The following CASP6 variants were observed in gnomAD, a reference collection of about 807,000 sequenced individuals.
The protein encoded by CASP6 is caspase-6.
CASP6 carries 20 observed loss-of-function variants against 31.8 expected under a neutral mutation model. The observed-to-expected ratio is 0.63, with a 90% CI of 0.44 to 0.91. CASP6 has a LOEUF of 0.91. Ranked by LOEUF, CASP6 falls within the 40% of genes least tolerant of loss-of-function variation. The pLI, the probability that CASP6 is intolerant of heterozygous loss-of-function variation, is 0.00. For missense variants in CASP6, 328 were observed against 361.1 expected, an observed-to-expected ratio of 0.91 and a Z score of 0.74; for synonymous variants, 130 against 127.8, an observed-to-expected ratio of 1.02 and a Z score of -0.12.
chr4:109,696,769 T>C (rs914710647), intron 3 of CASP6, among the ~76,000 whole-genome samples: 1 of 149,142 alleles, frequency 6.7e-6, no homozygotes, highest in South Asian at 2.1e-4. Flanking sequence ...GTAAGGAAAA[T>C]AACTCAGGCA....
At chr4:109,705,995 AAAAAAAATATATATATAT>A (rs1441641666), upstream of CASP6, among the ~76,000 whole-genome samples, 59 of 57,526 alleles carry the variant, frequency 1.0e-3, 3 homozygotes, top group East Asian at 0.015. Flanking sequence ...AAAAAAAAAA[AAAAAAAATATATATATAT>A]ATATATATAT....
At chr4:109,699,005 G>A (rs181973363) in intron 1 of CASP6, among the ~76,000 whole-genome samples, 100 of 152,328 alleles carry the variant, frequency 6.6e-4, no homozygotes, top group Non-Finnish European at 1.2e-3. Context: ...GAATTGTTCC[G>A]TATTTGCACT....
chr4:109,694,895 C>T (rs1730189703), intron 4 of CASP6, among the ~76,000 whole-genome samples, 195 bp from the exon 5 acceptor site: 2 of 152,096 alleles, frequency 1.3e-5, no homozygotes, highest in Admixed American at 6.6e-5. Context: ...TGCAGTGGCG[C>T]GATCTTGGCT....
At chr4:109,684,219 T>C (rs551194605), downstream of CASP6, among the ~76,000 whole-genome samples, 16 of 152,040 alleles carry the variant, frequency 1.1e-4, no homozygotes, top group African/African-American at 2.7e-4. Flanking sequence ...CCTGCCACCA[T>C]GCCCGGCTAA....
chr4:109,678,859 T>C, the CASP6 span, among the ~76,000 whole-genome samples: 583 of 94,640 alleles, frequency 6.2e-3, 3 homozygotes, highest in Middle Eastern at 0.036. Flanking sequence ...TCCTCCCAGA[T>C]GGGGCGGCCG....
chr4:109,664,389 A>G, the CASP6 span: 1 of 1,332,594 alleles, frequency 7.5e-7, no homozygotes. Context: ...CAGTGTCCAA[A>G]GAGAGGTAAG....
downstream of CASP6, chr4:109,684,716 C>CA (rs1434750247): frequency 1.4e-6 from 1 of 737,552 alleles, no homozygotes; most frequent in Non-Finnish European, 2.3e-6. Context: ...AAGCAATGAG[C>CA]AAAAAAGCCT....
intron 2 of CASP6, 33 bp downstream of exon 2, chr4:109,698,267 A>G: frequency 6.3e-7 from 1 of 1,591,404 alleles, no homozygotes; most frequent in Non-Finnish European, 8.6e-7. Flanking sequence ...CATCAAAGGA[A>G]GAGACCTTTA....
chr4:109,704,273 G>GCTT (rs1730532106), upstream of CASP6, among the ~76,000 whole-genome samples: 1 of 152,220 alleles, frequency 6.6e-6, no homozygotes, highest in East Asian at 1.9e-4. Flanking sequence ...AGAAAGCTAG[G>GCTT]CTTCTTGCTC....
At chr4:109,672,290 C>A in the CASP6 span, among the ~76,000 whole-genome samples, 1 of 152,098 alleles carries the variant, frequency 6.6e-6, no homozygotes, top group Admixed American at 6.5e-5. Flanking sequence ...GTTATTTTTC[C>A]TTCCCTCCTG....
chr4:109,664,412 C>A, the CASP6 span: 3 of 922,436 alleles, frequency 3.3e-6, no homozygotes, highest in Non-Finnish European at 5.0e-6. Flanking sequence ...ACACAGCTAT[C>A]CAACTATTAC....
At chr4:109,689,627 A>T in intron 6 of CASP6, 59 bp from the exon 7 acceptor site, 1 of 1,437,382 alleles carries the variant, frequency 7.0e-7, no homozygotes, top group East Asian at 2.3e-5. Flanking sequence ...TACTGTGTGT[A>T]TTCTTTTTAG....
chr4:109,691,285 G>A (rs922745826), intron 5 of CASP6, among the ~76,000 whole-genome samples: 1 of 152,184 alleles, frequency 6.6e-6, no homozygotes, highest in Non-Finnish European at 1.5e-5. Context: ...AGAGGAAAAA[G>A]CTTGTGGTTT....
At chr4:109,684,718 A>C (rs553448078), downstream of CASP6, 3 of 740,802 alleles carry the variant, frequency 4.0e-6, no homozygotes, top group African/African-American at 3.5e-5. Flanking sequence ...GCAATGAGCA[A>C]AAAAGCCTTT....
Position 109,689,101 on chromosome 4 carries a change from A to C in CASP6, c.*229T>G, listed in dbSNP as rs1184940105. 2.6e-6 allele frequency: 1 copy of C among 380,254 alleles called. No homozygotes were observed. Among genetic ancestry groups the C allele is most frequent in the Non-Finnish European group, 4.9e-6 (1 of 203,632 alleles). 23.6% of individuals were successfully genotyped at this position (380,254 alleles called of 1,614,324 possible). ...AGTGATTCTCCTGCCTCAGCCTTCC[A>C]AGTAGCTGGGATTGCAGGCATGCGC... On this transcript the variant is annotated 3_prime_UTR_variant, in exon 7 of 7. Coordinates refer to ENST00000265164, the MANE Select transcript of CASP6 (RefSeq NM_001226.4).
the CASP6 span, among the ~76,000 whole-genome samples, chr4:109,682,071 T>G: frequency 1.2e-5 from 1 of 83,752 alleles, no homozygotes; most frequent in Non-Finnish European, 2.6e-5. Flanking sequence ...TTTTAGTGAG[T>G]TCTCTGGTTG....
At chr4:109,703,729 C>A, upstream of CASP6, 1 of 460,802 alleles carries the variant, frequency 2.2e-6, no homozygotes, top group Non-Finnish European at 3.9e-6. Flanking sequence ...CCGCCTAGCC[C>A]GAGGCAATTT....
chr4:109,682,022 T>C, the CASP6 span, among the ~76,000 whole-genome samples: 1 of 152,240 alleles, frequency 6.6e-6, no homozygotes, highest in African/African-American at 2.4e-5. Flanking sequence ...CAATAGATGA[T>C]CGGCTATTTC....
At chr4:109,694,755 C>A in intron 4 of CASP6, 55 bp from the exon 5 acceptor site, 1 of 1,413,266 alleles carries the variant, frequency 7.1e-7, no homozygotes, top group Non-Finnish European at 9.4e-7. Context: ...TTGTTATCTA[C>A]ACATAAAAAT....
Sources: allele counts gnomAD v4.1 joint callset (sites outside exome capture counted in the v4.1 genomes callset), GRCh38; gene constraint gnomAD v4.1.1; transcripts MANE v1.5; gene names NCBI Gene and HGNC (gene_info 2026-07-23, HGNC 2026-07-21).